ABCB11: variants seen among roughly 807,000 people sequenced by gnomAD.
ABCB11 encodes ATP binding cassette subfamily B member 11, also known as bile salt export pump.
A neutral mutation model predicts 148.0 loss-of-function variants in ABCB11; 95 were observed. That is an observed-to-expected ratio of 0.64 (90% CI 0.54 to 0.76). The LOEUF is 0.76. Among genes scored for constraint, ABCB11 ranks in the 30% least tolerant of loss-of-function variants. The pLI is 0.00. For missense variants in ABCB11, 1,523 were observed against 1,617.8 expected (o/e 0.94, Z 1.01); for synonymous variants, 591 against 555.4 (o/e 1.06, Z -0.90).
At position 168,922,197 on chromosome 2, in the gene ABCB11, A is replaced by G. The variant is rs951991342; in HGVS notation, c.*1425T>C. ...AATTTCCCCAGAAAATCATTCTTCA[A>G]TCTCCTGCCAGAAGAGAGGGGCTGG... On this transcript the variant is annotated 3_prime_UTR_variant, in exon 28 of 28. Transcript: ENST00000650372. Among the ~76,000 whole-genome samples, 1 of 152,012 alleles carries G rather than the reference A, an allele frequency of 6.6e-6. No homozygotes were observed. The highest frequency in any genetic ancestry group is 6.6e-5 in the Admixed American group (1 of 15,252).
intron 1 of ABCB11, 38 bp from the exon 2 acceptor site, chr2:169,018,190 CTCT>C (rs1695422959): frequency 6.5e-7 from 1 of 1,542,308 alleles, no homozygotes; most frequent in African/African-American, 1.4e-5. Flanking sequence ...CAATTATTAT[CTCT>C]TCTTTCTTCT....
At chr2:169,019,741 T>C (rs1695483672) in intron 1 of ABCB11, among the ~76,000 whole-genome samples, 1 of 152,144 alleles carries the variant, frequency 6.6e-6, no homozygotes, top group South Asian at 2.1e-4. Context: ...AAAATGCATA[T>C]TCAAATATAA....
rs144532131 is a variant in ABCB11, at chr2:168,939,904, G to A, written c.2611-3471C>T. On this transcript the variant is annotated intron_variant, in intron 21 of 27. Coordinates refer to ENST00000650372, the MANE Select transcript of ABCB11 (RefSeq NM_003742.4). The stretch of plus-strand genomic sequence containing the variant: ...TATTATATCTGTTATGGTGATCTGT[G>A]ATCAGTGATCTTTGGCATTATTATT... 4.6e-5 allele frequency among the ~76,000 whole-genome samples: 7 copies of A among 152,108 alleles called. No homozygotes were observed. In the East Asian group the frequency reaches 1.4e-3, roughly 30 times the overall value.
chr2:168,930,808 G>C lies in ABCB11; in HGVS notation c.3268C>G (p.Arg1090Gly). The C allele has an allele frequency of 6.2e-7, 1 of 1,612,464 alleles. No individual in the cohort carries two copies. Among genetic ancestry groups the C allele is most frequent in the South Asian group, 1.1e-5 (1 of 90,646 alleles). The change falls in exon 25 of 28, where the codon CGA becomes GGA. Residue 1090 changes from arginine (R) to glycine (G), a missense_variant. Transcript: ENST00000650372. ...FVDCKFTYPSRPDSQVLNGLS... is the reference protein window; with the variant it reads ...FVDCKFTYPSGPDSQVLNGLS... ...CCATTCAGAACTTGCGAGTCAGGTC[G>C]AGAAGGATATGTAAATTTACAATCA...
chr2:168,923,537 A>AGGAGGG lies in ABCB11; in HGVS notation c.*84_*85insCCCTCC. The AGGAGGG allele has an allele frequency of 1.1e-5, 14 of 1,233,450 alleles. No individual in the cohort carries two copies. The highest frequency in any genetic ancestry group is 1.5e-5 in the African/African-American group (1 of 66,064). The allele number at this position is 1,233,450 out of a possible 1,614,324, so 76.4% of individuals were successfully genotyped here. On this transcript the variant is annotated 3_prime_UTR_variant, in exon 28 of 28. Coordinates refer to ENST00000650372, the MANE Select transcript of ABCB11 (RefSeq NM_003742.4). ...TCTTTAAAGAAAAAACAATCCCAGCAATCCCTCCTGCTGGGATTGTTTTTT... is the reference window on the plus strand; with the variant it reads ...TCTTTAAAGAAAAAACAATCCCAGCAGGAGGGATCCCTCCTGCTGGGATTGTTTTTT...
intron 21 of ABCB11, 43 bp downstream of exon 21, chr2:168,944,562 C>A: frequency 6.5e-7 from 1 of 1,530,890 alleles, no homozygotes. Context: ...TGAAAGAATG[C>A]CAATGCAGTT....
intron 5 of ABCB11, among the ~76,000 whole-genome samples, chr2:169,011,803 A>G (rs1300821734): frequency 1.3e-5 from 2 of 152,104 alleles, no homozygotes; most frequent in African/African-American, 4.8e-5. Flanking sequence ...CTGGGATGAC[A>G]GGGGCACACC....
intron 26 of ABCB11, 131 bp from the exon 27 acceptor site, chr2:168,924,934 T>A (rs1427392304): frequency 1.3e-5 from 8 of 626,538 alleles, no homozygotes; most frequent in Non-Finnish European, 2.0e-5. Flanking sequence ...GAGTGAGTCC[T>A]CCTATAGGAT....
rs762737233 is a variant in ABCB11, at chr2:168,930,771, G to A, written c.3305C>T (p.Ser1102Leu). ...CGCCAGTGTCTGCCCTGGACTAATC[G>A]ACACTGAGAGACCATTCAGAACTTG... ...DSQVLNGLSV[S>L]ISPGQTLAFV... Residue 1102 changes from serine to leucine, a missense_variant, in exon 25 of 28, where the codon TCG becomes TTG. Transcript: ENST00000650372. 4.3e-6 allele frequency: 7 copies of A among 1,613,554 alleles called. No homozygotes were observed. Among genetic ancestry groups the A allele is most frequent in the South Asian group, 3.3e-5 (3 of 90,980 alleles).
intron 11 of ABCB11, 77 bp from the exon 12 acceptor site, chr2:168,976,764 T>C: frequency 1.1e-6 from 1 of 878,934 alleles, no homozygotes; most frequent in South Asian, 1.5e-5. Context: ...TAAATTCAAA[T>C]AAACATCTTT....
chr2:169,020,051 T>C (rs1695490168), intron 1 of ABCB11, among the ~76,000 whole-genome samples: 1 of 152,130 alleles, frequency 6.6e-6, no homozygotes, highest in African/African-American at 2.4e-5. Flanking sequence ...CAATCAAATA[T>C]TGATACCAAG....
chr2:168,938,084 C>T lies in ABCB11; in HGVS notation c.2611-1651G>A, dbSNP rs533850746. ...AAAAGGTAACCTGTTAGTAACCATT[C>T]GATGCTAAGGCACTGTTATTCAGGA... is the stretch of plus-strand genomic sequence containing the variant. On this transcript the variant is annotated intron_variant, in intron 21 of 27. Coordinates refer to ENST00000650372, the MANE Select transcript of ABCB11 (RefSeq NM_003742.4). 1.1e-4 allele frequency among the ~76,000 whole-genome samples: 17 copies of T among 152,214 alleles called. No homozygotes were observed. In the South Asian group the frequency reaches 2.7e-3, roughly 24 times the overall value.
downstream of ABCB11, among the ~76,000 whole-genome samples, chr2:168,918,095 G>T (rs915954665): frequency 2.0e-5 from 3 of 152,082 alleles, no homozygotes; most frequent in African/African-American, 7.2e-5. Context: ...CACATTAGTG[G>T]CCCATATTAT....
intron 21 of ABCB11, among the ~76,000 whole-genome samples, chr2:168,938,082 T>C (rs1414727342): frequency 6.6e-6 from 1 of 152,226 alleles, no homozygotes. Context: ...TTAGTAACCA[T>C]TCGATGCTAA....
In ABCB11 at chr2:168,975,168, T is replaced by A. The variant is rs1172084451; in HGVS notation, c.1309-1328A>T. ...ATAGATAAATATATAATAAATATTT[T>A]TATATTTATTTATAGATAAATATAT... On this transcript the variant is annotated intron_variant, in intron 12 of 27. Coordinates refer to ENST00000650372, the MANE Select transcript of ABCB11 (RefSeq NM_003742.4). Among the ~76,000 whole-genome samples, 175 of 42,036 alleles carry A rather than the reference T, an allele frequency of 4.2e-3. 9 individuals are homozygous for A. The highest frequency in any genetic ancestry group is 6.7e-3 in the Non-Finnish European group (141 of 21,176). 27.6% of individuals were successfully genotyped at this position (42,036 alleles called of 152,430 possible).
chr2:168,923,890 T>A, intron 27 of ABCB11, 68 bp from the exon 28 acceptor site: 2 of 1,473,698 alleles, frequency 1.4e-6, no homozygotes, highest in Non-Finnish European at 1.9e-6. Context: ...ATCATGAGAG[T>A]TCAGTTAACA....
At chr2:168,970,374 T>C (rs1205224988) in intron 14 of ABCB11, 159 bp from the exon 15 acceptor site, 17 of 1,517,422 alleles carry the variant, frequency 1.1e-5, no homozygotes, top group South Asian at 8.4e-5. Flanking sequence ...AGACGGGTTA[T>C]TGTCTAATCA....
intron 10 of ABCB11, among the ~76,000 whole-genome samples, chr2:168,985,495 C>G (rs547731481): frequency 3.9e-5 from 6 of 151,972 alleles, no homozygotes; most frequent in African/African-American, 1.4e-4. Context: ...TGGAACTAGC[C>G]CAAATGCCCA....
intron 7 of ABCB11, 127 bp from the exon 8 acceptor site, chr2:168,994,009 A>G: frequency 2.6e-6 from 2 of 770,336 alleles, no homozygotes; most frequent in South Asian, 4.0e-5. Context: ...GATAGCATTA[A>G]CAGCCTCTCA....
Sources: gnomAD v4.1 joint callset for allele counts (sites outside exome capture counted in the v4.1 genomes callset) on GRCh38, gnomAD v4.1.1 for gene constraint, MANE v1.5 for transcripts, NCBI Gene and HGNC (gene_info 2026-07-23, HGNC 2026-07-21) for gene names.